Variants in RELN observed in about 807,000 individuals in gnomAD.
RELN encodes reelin.
A neutral mutation model predicts 427.6 loss-of-function variants in RELN; 108 were observed. That is an observed-to-expected ratio of 0.25 (90% CI 0.22 to 0.30). The LOEUF (loss-of-function observed/expected upper bound fraction) is 0.30. RELN is among the 10% of genes least tolerant of loss of function. RELN has a pLI of 1.00. For synonymous variants in RELN, 1,524 were observed against 1,513.4 expected, an observed-to-expected ratio of 1.01 and a Z score of -0.16; for missense variants, 3,715 against 4,302.8, an observed-to-expected ratio of 0.86 and a Z score of 3.82.
At position 103,498,136 on chromosome 7, in the gene RELN, A is replaced by G; in HGVS notation, c.8784T>C (p.Tyr2928=). The change falls in exon 54 of 65, where the codon TAT becomes TAC. Residue 2928 remains tyrosine (Y), a synonymous_variant. Transcript: ENST00000428762. ...CTTGTCTCACAGTGGATCCCCCAAAATAGAGTGCAGTGTCCTCGGCAAGAA... is the reference window on the plus strand; with the variant it reads ...CTTGTCTCACAGTGGATCCCCCAAAGTAGAGTGCAGTGTCCTCGGCAAGAA... ...CGILAEDTAL[Y]FGGSTVRQAV... 6.2e-7 allele frequency: 1 copy of G among 1,614,158 alleles called. No homozygotes were observed. Among genetic ancestry groups the G allele is most frequent in the Non-Finnish European group, 8.5e-7 (1 of 1,180,018 alleles).
chr7:103,701,121 T>C, intron 8 of RELN, 115 bp from the exon 9 acceptor site: 1 of 699,700 alleles, frequency 1.4e-6, no homozygotes, highest in Non-Finnish European at 2.6e-6. Flanking sequence ...GTCTGGTAAC[T>C]TCCCCATTCT....
rs903912956 is a variant in RELN, at chr7:103,530,156, C to T, written c.7349+5160G>A. On this transcript the variant is annotated intron_variant, in intron 46 of 64. Coordinates refer to ENST00000428762, the MANE Select transcript of RELN (RefSeq NM_005045.4). ...TGGTCTCAGATCTTCATGTCTCTGTCAAATGGACATTTCCATTTGTACCTC... is the reference window on the plus strand; with the variant it reads ...TGGTCTCAGATCTTCATGTCTCTGTTAAATGGACATTTCCATTTGTACCTC... Among the ~76,000 whole-genome samples, 38 of 152,144 alleles carry T rather than the reference C, an allele frequency of 2.5e-4. 1 individual carries two copies. The highest frequency in any genetic ancestry group is 4.1e-4 in the Non-Finnish European group (28 of 68,020).
intron 1 of RELN, among the ~76,000 whole-genome samples, chr7:103,957,666 A>T (rs1339240207): frequency 1.3e-5 from 2 of 152,130 alleles, no homozygotes; most frequent in Non-Finnish European, 2.9e-5. Context: ...CTTGTGGCCC[A>T]AGCCCTCTGC....
chr7:103,984,830 T>C lies in RELN; in HGVS notation c.226+4301A>G, dbSNP rs901195019. 2.0e-5 allele frequency among the ~76,000 whole-genome samples: 3 copies of C among 152,206 alleles called. No homozygotes were observed. In the South Asian group the frequency reaches 6.2e-4, roughly 32 times the overall value. On this transcript the variant is annotated intron_variant, in intron 1 of 64. Transcript: ENST00000428762. ...CCGATCACCTGATCAGCAATGCAGT[T>C]ACTTTAGTAATGGCAAATTACTTTA... is the stretch of plus-strand genomic sequence containing the variant.
At chr7:103,566,478 A>G (rs1830754702) in intron 32 of RELN, 66 bp from the exon 33 acceptor site, 1 of 1,588,380 alleles carries the variant, frequency 6.3e-7, no homozygotes, top group Admixed American at 1.7e-5. Flanking sequence ...TATCTTCATG[A>G]CTGTGATTTT....
intron 24 of RELN, among the ~76,000 whole-genome samples, chr7:103,601,615 C>T (rs1420650046): frequency 6.6e-6 from 1 of 152,130 alleles, no homozygotes; most frequent in Non-Finnish European, 1.5e-5. Context: ...TGATATTACA[C>T]ACTCCACATT....
chr7:103,716,002 C>T (rs1259255276), intron 8 of RELN, among the ~76,000 whole-genome samples: 1 of 152,308 alleles, frequency 6.6e-6, no homozygotes, highest in Admixed American at 6.5e-5. Context: ...ACTGTCTCCC[C>T]TCCACCACTC....
intron 6 of RELN, among the ~76,000 whole-genome samples, chr7:103,742,245 C>A (rs1339356944): frequency 2.0e-5 from 3 of 152,176 alleles, no homozygotes; most frequent in African/African-American, 4.8e-5. Context: ...GAAAGGACAT[C>A]CACACCAAAA....
chr7:103,804,642 A>G (rs1334186879), intron 3 of RELN, among the ~76,000 whole-genome samples: 3 of 152,214 alleles, frequency 2.0e-5, no homozygotes, highest in Non-Finnish European at 4.4e-5. Context: ...TTTATAAGGA[A>G]TAAGAAACAA....
intron 1 of RELN, among the ~76,000 whole-genome samples, chr7:103,980,915 A>G (rs1237150648): frequency 6.6e-6 from 1 of 152,194 alleles, no homozygotes; most frequent in East Asian, 1.9e-4. Context: ...CACTGGACAT[A>G]TAACATTATT....
intron 3 of RELN, among the ~76,000 whole-genome samples, chr7:103,829,793 C>T (rs1793231185): frequency 6.6e-6 from 1 of 152,122 alleles, no homozygotes; most frequent in African/African-American, 2.4e-5. Flanking sequence ...ACACACAGCA[C>T]ATTATATAAT....
At chr7:103,683,583 A>T (rs929915664) in intron 10 of RELN, among the ~76,000 whole-genome samples, 3 of 152,176 alleles carry the variant, frequency 2.0e-5, no homozygotes, top group African/African-American at 7.2e-5. Context: ...ATCATGGCAT[A>T]ATACATTACT....
At chr7:103,955,268 C>T (rs1184610499) in intron 1 of RELN, among the ~76,000 whole-genome samples, 2 of 152,188 alleles carry the variant, frequency 1.3e-5, no homozygotes, top group African/African-American at 4.8e-5. Flanking sequence ...CAATGACATA[C>T]AAAATGTTTC....
chr7:103,571,524 T>A (rs1830881446), intron 31 of RELN, among the ~76,000 whole-genome samples: 1 of 152,168 alleles, frequency 6.6e-6, no homozygotes, highest in South Asian at 2.1e-4. Context: ...TGTGAGTGGT[T>A]TGAATCCCTG....
chr7:103,705,341 T>TACAA (rs140538386), intron 8 of RELN, among the ~76,000 whole-genome samples: 3 of 151,978 alleles, frequency 2.0e-5, no homozygotes, highest in Non-Finnish European at 2.9e-5. Context: ...CCACCCCAAA[T>TACAA]ACAAACAAAC....
In RELN at chr7:103,489,733, G is replaced by T. The variant is rs781351640; in HGVS notation, c.9763+9C>A. On this transcript the variant is annotated intron_variant, in intron 60 of 64. Coordinates refer to ENST00000428762, the MANE Select transcript of RELN (RefSeq NM_005045.4). Reference sequence around the variant, plus strand: ...TCCTCTATCAAAGTTGGCAGCCTGGGATTCAGACCTTGGAAGCTCTCGTCG... The same window carrying T: ...TCCTCTATCAAAGTTGGCAGCCTGGTATTCAGACCTTGGAAGCTCTCGTCG... The T allele has an allele frequency of 1.2e-6, 2 of 1,613,882 alleles. No individual in the cohort carries two copies. The highest frequency in any genetic ancestry group is 8.5e-7 in the Non-Finnish European group (1 of 1,179,934).
At chr7:103,665,099 C>G (rs755617338) in intron 11 of RELN, among the ~76,000 whole-genome samples, 1 of 151,870 alleles carries the variant, frequency 6.6e-6, no homozygotes, top group Non-Finnish European at 1.5e-5. Context: ...TTTAATGAAC[C>G]TGAAATTGAT....
At chr7:103,807,813 T>G (rs540133677) in intron 3 of RELN, among the ~76,000 whole-genome samples, 1 of 152,262 alleles carries the variant, frequency 6.6e-6, no homozygotes, top group South Asian at 2.1e-4. Context: ...TATGGCTACG[T>G]AGTATTTCAT....
intron 7 of RELN, 35 bp downstream of exon 7, chr7:103,728,076 T>G (rs1447177979): frequency 1.2e-6 from 2 of 1,600,344 alleles, no homozygotes; most frequent in Non-Finnish European, 1.7e-6. Context: ...GTAAATACTA[T>G]AATGGAATAA....
Sources: gnomAD v4.1 joint callset for allele counts (sites outside exome capture counted in the v4.1 genomes callset) on GRCh38, gnomAD v4.1.1 for gene constraint, MANE v1.5 for transcripts, NCBI Gene and HGNC (gene_info 2026-07-23, HGNC 2026-07-21) for gene names.